Variants in TTBK2 observed in about 807,000 individuals in gnomAD.
The protein encoded by TTBK2 is tau-tubulin kinase 2.
TTBK2 carries 28 observed loss-of-function variants against 110.8 expected under a neutral mutation model. That is an observed-to-expected ratio of 0.25 (90% CI 0.19 to 0.35). The LOEUF (loss-of-function observed/expected upper bound fraction) is 0.35, where lower values mean the gene tolerates loss of function less well. Ranked by LOEUF, TTBK2 falls within the 10% of genes least tolerant of loss-of-function variation. TTBK2 has a pLI of 1.00. For missense variants in TTBK2, 1,369 were observed against 1,500.3 expected (o/e 0.91, Z 1.45); for synonymous variants, 532 against 527.3 (o/e 1.01, Z -0.12).
intron 1 of TTBK2, among the ~76,000 whole-genome samples, chr15:42,916,081 A>C (rs1257129152): frequency 6.6e-6 from 1 of 152,242 alleles, no homozygotes; most frequent in Non-Finnish European, 1.5e-5. Flanking sequence ...GCCTTTATTT[A>C]TAGAATTAAG....
At chr15:42,837,594 A>G (rs1893041568) in intron 4 of TTBK2, among the ~76,000 whole-genome samples, 1 of 141,260 alleles carries the variant, frequency 7.1e-6, no homozygotes, top group South Asian at 2.5e-4. Context: ...AGGAGGTGGA[A>G]GTTGCAGTGA....
At position 42,821,263 on chromosome 15, in the gene TTBK2, G is replaced by T. The variant is rs569996895; in HGVS notation, c.538-4166C>A. Among the ~76,000 whole-genome samples, 359 of 152,312 alleles carry T rather than the reference G, an allele frequency of 2.4e-3. 2 individuals are homozygous for T. Among genetic ancestry groups the T allele is most frequent in the South Asian group, 1.2e-3 (6 of 4,832 alleles). ...AATAACAGTACAGCTACCTAAAGGTGAATGTAGGGAGCAGGGGGAAGAATC... is the reference window on the plus strand; with the variant it reads ...AATAACAGTACAGCTACCTAAAGGTTAATGTAGGGAGCAGGGGGAAGAATC... On this transcript the variant is annotated intron_variant, in intron 6 of 14. Transcript: ENST00000267890.
chr15:42,864,926 T>C (rs1045750788), intron 3 of TTBK2, among the ~76,000 whole-genome samples: 1 of 151,726 alleles, frequency 6.6e-6, no homozygotes, highest in Non-Finnish European at 1.5e-5. Flanking sequence ...TTTGTGCATA[T>C]AAATATATAT....
intron 1 of TTBK2, among the ~76,000 whole-genome samples, chr15:42,916,542 G>C (rs2031092182): frequency 6.6e-6 from 1 of 152,138 alleles, no homozygotes; most frequent in African/African-American, 2.4e-5. Flanking sequence ...GGCCAGACTT[G>C]TCTCCAACTC....
chr15:42,811,723 C>A lies in TTBK2; in HGVS notation c.661G>T (p.Val221Phe), dbSNP rs1428244516. The A allele has an allele frequency of 1.2e-6, 2 of 1,613,590 alleles. No homozygotes were observed. Among genetic ancestry groups the A allele is most frequent in the African/African-American group, 2.7e-5 (2 of 74,910 alleles). Reference protein sequence around the residue: ...SLFYMLVEFVVGQLPWRKIKD... With the variant: ...SLFYMLVEFVFGQLPWRKIKD... ...ATTTTTCTCCAGGGCAGCTGACCAACCACAAACTCCACCAACATGTAGAAT... is the reference window on the plus strand; with the variant it reads ...ATTTTTCTCCAGGGCAGCTGACCAAACACAAACTCCACCAACATGTAGAAT... Residue 221 changes from valine to phenylalanine, a missense_variant, in exon 8 of 15, where the codon GTT becomes TTT. This residue lies in a region of TTBK2 where 138 missense variants were observed against 179.0 expected (regional missense o/e 0.77). Transcript: ENST00000267890.
intron 9 of TTBK2, among the ~76,000 whole-genome samples, chr15:42,795,560 T>C (rs1890900353): frequency 6.6e-6 from 1 of 152,178 alleles, no homozygotes; most frequent in South Asian, 2.1e-4. Flanking sequence ...ATTCATCTTG[T>C]ACATTTCCTG....
chr15:42,815,933 T>TAG (rs1891944462), intron 7 of TTBK2, among the ~76,000 whole-genome samples: 1 of 33,826 alleles, frequency 3.0e-5, no homozygotes, highest in African/African-American at 1.6e-4. Flanking sequence ...TATTTAAAAA[T>TAG]ATATATATAT....
At chr15:42,825,293 T>A (rs1190505494) in intron 6 of TTBK2, among the ~76,000 whole-genome samples, 1 of 152,098 alleles carries the variant, frequency 6.6e-6, no homozygotes, top group Non-Finnish European at 1.5e-5. Context: ...CCTCAAGATC[T>A]GCAGAAGAGA....
chr15:42,907,228 T>C (rs760016973), intron 1 of TTBK2, among the ~76,000 whole-genome samples: 7 of 152,102 alleles, frequency 4.6e-5, no homozygotes, highest in Non-Finnish European at 1.0e-4. Context: ...ACACTGCTGG[T>C]AGGAATGGAA....
rs1012848508 is a variant in TTBK2, at chr15:42,752,611, A to G, written c.2635T>C (p.Ser879Pro). 2.5e-6 allele frequency: 4 copies of G among 1,614,108 alleles called. No homozygotes were observed. Among genetic ancestry groups the G allele is most frequent in the Non-Finnish European group, 3.4e-6 (4 of 1,180,036 alleles). Residue 879 changes from serine to proline, a missense_variant, in exon 14 of 15, where the codon TCT becomes CCT. Ser to Pro is a moderately conservative substitution (Grantham distance 74). This residue lies in a region of TTBK2 where 1,097 missense variants were observed against 1,114.7 expected (regional missense o/e 0.98). Transcript: ENST00000267890. ...QVAEMQKNKI[S>P]KDDDIMSEDL... Reference sequence around the variant, plus strand: ...TCACTCATGATGTCATCATCCTTAGATATCTTATTTTTTTGCATTTCTGCC... The same window carrying G: ...TCACTCATGATGTCATCATCCTTAGGTATCTTATTTTTTTGCATTTCTGCC...
chr15:42,873,547 C>T (rs1308307508), intron 2 of TTBK2, among the ~76,000 whole-genome samples: 2 of 152,070 alleles, frequency 1.3e-5, no homozygotes, highest in Non-Finnish European at 1.5e-5. Context: ...ACTCTAGTAC[C>T]AAACTATCCC....
chr15:42,900,853 T>C (rs778051895), intron 1 of TTBK2, among the ~76,000 whole-genome samples: 6 of 152,176 alleles, frequency 3.9e-5, no homozygotes, highest in Non-Finnish European at 8.8e-5. Flanking sequence ...TTTTAAAAGC[T>C]AAAATATTTA....
Position 42,815,958 on chromosome 15 carries a change from A to ATATATATAT in TTBK2, c.603+1073_603+1074insATATATATA, listed in dbSNP as rs1555427627. On this transcript the variant is annotated intron_variant, in intron 7 of 14. Coordinates refer to ENST00000267890, the MANE Select transcript of TTBK2 (RefSeq NM_173500.4). ...TATATATATATATATTTAAAAAAAA[A>ATATATATAT]ATATATATATATATATATATTTGAG... Among the ~76,000 whole-genome samples the ATATATATAT allele has an allele frequency of 3.5e-4, 32 of 91,692 alleles. 3 individuals carry two copies. Among genetic ancestry groups the ATATATATAT allele is most frequent in the African/African-American group, 1.4e-3 (23 of 16,140 alleles). The allele number at this position is 91,692 out of a possible 152,430, so 60.2% of individuals were successfully genotyped here. A position where few individuals can be genotyped will look rare whatever the true frequency, so the allele number is the denominator to read the frequency against.
chr15:42,827,005 T>C (rs1892563920), intron 6 of TTBK2, among the ~76,000 whole-genome samples: 2 of 152,212 alleles, frequency 1.3e-5, no homozygotes, highest in South Asian at 4.2e-4. Flanking sequence ...AAGCCACAAT[T>C]TGATTAAATT....
chr15:42,865,296 C>T (rs1358396766), intron 3 of TTBK2, among the ~76,000 whole-genome samples: 1 of 151,818 alleles, frequency 6.6e-6, no homozygotes, highest in Non-Finnish European at 1.5e-5. Context: ...CCTGTCTCTA[C>T]TAAAAACACA....
At chr15:42,799,602 T>G (rs1042126593) in intron 9 of TTBK2, among the ~76,000 whole-genome samples, 1 of 151,878 alleles carries the variant, frequency 6.6e-6, no homozygotes, top group African/African-American at 2.4e-5. Flanking sequence ...CCAGCTAAAT[T>G]TTTTTGTATT....
At position 42,767,459 on chromosome 15, in the gene TTBK2, T is replaced by C. The variant is rs147225692; in HGVS notation, c.1998+7676A>G. On this transcript the variant is annotated intron_variant, in intron 13 of 14. Coordinates refer to ENST00000267890, the MANE Select transcript of TTBK2 (RefSeq NM_173500.4). ...ACCACCATCCAACAGAAATACAAAC[T>C]ACCATCAGAGAATATTATAAACACC... Among the ~76,000 whole-genome samples the C allele has an allele frequency of 6.5e-4, 99 of 152,214 alleles. 1 individual carries two copies. In the East Asian group the frequency reaches 0.019, roughly 29 times the overall value.
intron 3 of TTBK2, among the ~76,000 whole-genome samples, chr15:42,859,935 T>C (rs950732842): frequency 5.0e-4 from 76 of 151,370 alleles, no homozygotes; most frequent in African/African-American, 1.7e-3. Context: ...GTAACAGAAA[T>C]GATGAATGCC....
chr15:42,889,538 C>T (rs1167498703), intron 1 of TTBK2, among the ~76,000 whole-genome samples: 1 of 152,196 alleles, frequency 6.6e-6, no homozygotes, highest in Non-Finnish European at 1.5e-5. Context: ...GACTAATGGT[C>T]TTTTCCCAAA....
Sources: gnomAD v4.1 joint callset for allele counts (sites outside exome capture counted in the v4.1 genomes callset) on GRCh38, gnomAD v4.1.1 for gene constraint, gnomAD v4.1.1 regional missense constraint, MANE v1.5 for transcripts, NCBI Gene and HGNC (gene_info 2026-07-23, HGNC 2026-07-21) for gene names.